The following VPS13C variants were observed in gnomAD, a reference collection of about 807,000 sequenced individuals.
The protein encoded by VPS13C is vacuolar protein sorting 13 homolog C.
Under a neutral mutation model 456.8 loss-of-function variants are expected in VPS13C, and 358 were observed. The ratio of observed to expected loss-of-function variants is 0.78; its 90% CI spans 0.72 to 0.86. VPS13C has a LOEUF of 0.86. Ranked by LOEUF, VPS13C falls within the 40% of genes least tolerant of loss-of-function variation. VPS13C has a pLI of 0.00. For missense variants in VPS13C, 4,818 were observed against 4,385.4 expected, an observed-to-expected ratio of 1.10 and a Z score of -2.79; for synonymous variants, 1,578 against 1,486.7, an observed-to-expected ratio of 1.06 and a Z score of -1.41.
chr15:61,916,506 GAAT>G (rs1391130463), intron 60 of VPS13C, among the ~76,000 whole-genome samples: 2 of 152,076 alleles, frequency 1.3e-5, no homozygotes, highest in African/African-American at 4.8e-5. Flanking sequence ...TTTGAAAAAT[GAAT>G]AATAACATAT....
Position 61,941,935 on chromosome 15 carries a change from T to C in VPS13C, c.5281A>G (p.Lys1761Glu), listed in dbSNP as rs998565147. 6.2e-6 allele frequency: 10 copies of C among 1,613,866 alleles called. No individual in the cohort carries two copies. Among genetic ancestry groups the C allele is most frequent in the Non-Finnish European group, 8.5e-6 (10 of 1,179,918 alleles). Residue 1761 changes from lysine (K) to glutamate (E), a missense_variant, in exon 46 of 85, where the codon AAA becomes GAA. This residue lies in a region of VPS13C where 4,552 missense variants were observed against 4,130.6 expected (regional missense o/e 1.10). Coordinates refer to ENST00000644861, the MANE Select transcript of VPS13C (RefSeq NM_020821.3). ...SFRLLMDINLKAPVIIIPQSS... is the reference protein window; with the variant it reads ...SFRLLMDINLEAPVIIIPQSS... Reference sequence around the variant, plus strand: ...TGAGGAATAATAATAACTGGTGCTTTCAAATTAATATCCATCAAAAGGCGG... The same window carrying C: ...TGAGGAATAATAATAACTGGTGCTTCCAAATTAATATCCATCAAAAGGCGG...
chr15:61,938,266 T>TG (rs35262268), intron 47 of VPS13C, among the ~76,000 whole-genome samples: 82,632 of 150,842 alleles, frequency 0.55, 22,955 homozygotes, highest in Admixed American at 0.63. Flanking sequence ...CACTTTGCTG[T>TG]GGGGTGGGGG....
chr15:61,992,849 G>C (rs2046266276), intron 16 of VPS13C, among the ~76,000 whole-genome samples: 1 of 151,986 alleles, frequency 6.6e-6, no homozygotes, highest in Admixed American at 6.6e-5. Context: ...TCTTGAGAGA[G>C]TGGGTTCTCT....
chr15:61,904,601 A>C (rs1398354118), intron 66 of VPS13C, among the ~76,000 whole-genome samples: 1 of 152,114 alleles, frequency 6.6e-6, no homozygotes, highest in Admixed American at 6.6e-5. Flanking sequence ...TTCCTCAAAA[A>C]ACTAAAAACA....
chr15:62,017,155 GT>G (rs2047283385), intron 9 of VPS13C, among the ~76,000 whole-genome samples: 1 of 151,990 alleles, frequency 6.6e-6, no homozygotes, highest in African/African-American at 2.4e-5. Context: ...TTCTAAATTT[GT>G]TTGAGTTCTT....
At chr15:61,974,795 T>C (rs904536310) in intron 24 of VPS13C, among the ~76,000 whole-genome samples, 1 of 152,196 alleles carries the variant, frequency 6.6e-6, no homozygotes, top group Non-Finnish European at 1.5e-5. Context: ...TTTATTTCTT[T>C]CTATATATAG....
chr15:61,991,901 TAAC>T, intron 16 of VPS13C, 99 bp from the exon 17 acceptor site: 1 of 1,202,562 alleles, frequency 8.3e-7, no homozygotes, highest in Non-Finnish European at 1.1e-6. Context: ...TTTTTTTTTT[TAAC>T]GCTACGTAAC....
intron 68 of VPS13C, among the ~76,000 whole-genome samples, chr15:61,883,714 T>C (rs1013777288): frequency 6.6e-6 from 1 of 152,126 alleles, no homozygotes; most frequent in African/African-American, 2.4e-5. Flanking sequence ...TTTTCCTCAA[T>C]GAAATATGTA....
intron 9 of VPS13C, among the ~76,000 whole-genome samples, chr15:62,019,389 A>C (rs1327628394): frequency 1.3e-5 from 2 of 151,800 alleles, no homozygotes; most frequent in African/African-American, 2.4e-5. Flanking sequence ...TTAGGGTGTC[A>C]ATTTTAGATC....
At chr15:61,966,405 T>A (rs1177245697) in intron 29 of VPS13C, among the ~76,000 whole-genome samples, 1 of 151,818 alleles carries the variant, frequency 6.6e-6, no homozygotes, top group African/African-American at 2.4e-5. Flanking sequence ...ACTCTGAAGG[T>A]TGTAAGGTGT....
Position 61,927,298 on chromosome 15 carries a change from C to T in VPS13C, c.6309G>A (p.Met2103Ile). ...IEKDDSVRPNMTLKAMITDPE... is the reference protein window; with the variant it reads ...IEKDDSVRPNITLKAMITDPE... The stretch of plus-strand genomic sequence containing the variant: ...GATCTGTGATCATGGCCTTTAAAGT[C>T]ATATTTGGTCTAACAGAGTCATCTG... Residue 2103 changes from methionine to isoleucine, a missense_variant, in exon 52 of 85, where the codon ATG becomes ATA. By Grantham distance (10) the Met-to-Ile change is conservative (BLOSUM62 1). This residue lies in a region of VPS13C where 4,552 missense variants were observed against 4,130.6 expected (regional missense o/e 1.10). Coordinates refer to ENST00000644861, the MANE Select transcript of VPS13C (RefSeq NM_020821.3). 1 of 1,614,018 alleles carries T rather than the reference C, an allele frequency of 6.2e-7. No individual in the cohort carries two copies. Among genetic ancestry groups the T allele is most frequent in the Non-Finnish European group, 8.5e-7 (1 of 1,179,972 alleles).
chr15:61,902,457 T>C lies in VPS13C; in HGVS notation c.9105+4807A>G, dbSNP rs546034285. On this transcript the variant is annotated intron_variant, in intron 66 of 84. Transcript: ENST00000644861. ...ACAACAACTACAATCCTCAACAAAA[T>C]ACCAGCAAACTGAATGCAGTAACAC... Among the ~76,000 whole-genome samples, 7 of 151,900 alleles carry C rather than the reference T, an allele frequency of 4.6e-5. No individual in the cohort carries two copies. The East Asian group carries it at 1.4e-3, about 29-fold the overall frequency.
intron 60 of VPS13C, among the ~76,000 whole-genome samples, chr15:61,916,779 G>A (rs2043485319): frequency 6.6e-6 from 1 of 151,870 alleles, no homozygotes. Flanking sequence ...AAGACAGACA[G>A]TAATTATTTT....
chr15:62,001,766 G>C (rs2140463730), intron 15 of VPS13C, among the ~76,000 whole-genome samples: 1 of 152,270 alleles, frequency 6.6e-6, no homozygotes, highest in Non-Finnish European at 1.5e-5. Context: ...AGAATATGCG[G>C]TGTTTGGTTT....
chr15:61,952,210 T>C (rs1567040813), intron 38 of VPS13C, among the ~76,000 whole-genome samples: 1 of 152,174 alleles, frequency 6.6e-6, no homozygotes, highest in Non-Finnish European at 1.5e-5. Flanking sequence ...ACACCACTCC[T>C]AAGGCAAGCT....
chr15:62,008,608 A>C, intron 14 of VPS13C, 47 bp downstream of exon 14: 2 of 1,363,452 alleles, frequency 1.5e-6, no homozygotes, highest in Admixed American at 2.1e-5. Context: ...GTAACTAAAT[A>C]TATGATTATA....
chr15:61,933,066 T>G (rs2044114769), intron 49 of VPS13C, among the ~76,000 whole-genome samples: 1 of 152,094 alleles, frequency 6.6e-6, no homozygotes, highest in Non-Finnish European at 1.5e-5. Context: ...ACTACAAGTG[T>G]AAGAAGAGTT....
At chr15:61,893,823 ATT>A (rs1243645702) in intron 66 of VPS13C, among the ~76,000 whole-genome samples, 2 of 151,926 alleles carry the variant, frequency 1.3e-5, no homozygotes, top group Non-Finnish European at 2.9e-5. Context: ...TTAAGTTGTC[ATT>A]TGTTTAAAAT....
intron 28 of VPS13C, among the ~76,000 whole-genome samples, chr15:61,968,678 T>C (rs2045454559): frequency 6.6e-6 from 1 of 152,156 alleles, no homozygotes; most frequent in African/African-American, 2.4e-5. Context: ...CTATCATTTT[T>C]ATTTTTATAA....
Sources: gnomAD v4.1 joint callset for allele counts (sites outside exome capture counted in the v4.1 genomes callset) on GRCh38, gnomAD v4.1.1 for gene constraint, gnomAD v4.1.1 regional missense constraint, MANE v1.5 for transcripts, NCBI Gene and HGNC (gene_info 2026-07-23, HGNC 2026-07-21) for gene names.